Variants in RTCB observed in about 807,000 individuals in gnomAD.
The protein encoded by RTCB is RNA 2',3'-cyclic phosphate and 5'-OH ligase.
RTCB carries 32 observed loss-of-function variants against 58.2 expected under a neutral mutation model. That is an observed-to-expected ratio of 0.55 (90% CI 0.41 to 0.74). The LOEUF (loss-of-function observed/expected upper bound fraction) is 0.74, where lower values mean the gene tolerates loss of function less well. Among genes scored for constraint, RTCB ranks in the 30% least tolerant of loss-of-function variants. The probability of loss-of-function intolerance (pLI) is 0.00; values close to 1 mark genes in which losing one functional copy is unlikely to be tolerated. For synonymous variants in RTCB, 247 were observed against 218.6 expected (o/e 1.13, Z -1.15); for missense variants, 523 against 639.0 (o/e 0.82, Z 1.96).
chr22:32,411,185 TA>T (rs1308169612), intron 1 of RTCB, among the ~76,000 whole-genome samples: 2 of 152,188 alleles, frequency 1.3e-5, no homozygotes, highest in East Asian at 3.8e-4. Context: ...ATGGAGTGAC[TA>T]TTGGGAGCTG....
At chr22:32,389,661 C>T (rs1239272363) in intron 11 of RTCB, among the ~76,000 whole-genome samples, 1 of 152,170 alleles carries the variant, frequency 6.6e-6, no homozygotes, top group Non-Finnish European at 1.5e-5. Flanking sequence ...CTAGCAAAGA[C>T]CAACCCCATC....
chr22:32,399,505 G>A, intron 6 of RTCB, 98 bp downstream of exon 6: 2 of 1,138,724 alleles, frequency 1.8e-6, no homozygotes, highest in East Asian at 2.4e-5. Context: ...AAAAAACCTG[G>A]GAATATGTTT....
intron 8 of RTCB, 113 bp from the exon 9 acceptor site, chr22:32,395,327 T>A (rs1601425576): frequency 1.1e-6 from 1 of 875,834 alleles, no homozygotes; most frequent in Non-Finnish European, 1.7e-6. Flanking sequence ...GTAAAAGATT[T>A]AAAAGTTCAA....
At chr22:32,394,121 T>A in intron 9 of RTCB, 119 bp from the exon 10 acceptor site, 1 of 647,720 alleles carries the variant, frequency 1.5e-6, no homozygotes, top group Non-Finnish European at 2.6e-6. Flanking sequence ...CTTCTTTTTT[T>A]TTTTTTTGAG....
chr22:32,402,470 G>T (rs550139561), intron 4 of RTCB, among the ~76,000 whole-genome samples: 16 of 152,284 alleles, frequency 1.1e-4, no homozygotes, highest in African/African-American at 3.8e-4. Context: ...TCATTTTTGA[G>T]ACGGAGTCTC....
intron 4 of RTCB, among the ~76,000 whole-genome samples, chr22:32,402,314 T>C (rs971311513): frequency 2.0e-5 from 3 of 152,250 alleles, no homozygotes; most frequent in African/African-American, 7.2e-5. Context: ...TTCTACTTTT[T>C]TAGGGTATAA....
At chr22:32,398,724 T>C (rs1172031315) in intron 6 of RTCB, among the ~76,000 whole-genome samples, 6 of 152,222 alleles carry the variant, frequency 3.9e-5, no homozygotes, top group African/African-American at 1.4e-4. Context: ...TGTTGGTAAA[T>C]GTTGACTCTT....
chr22:32,401,920 A>G lies in RTCB; in HGVS notation c.341-17T>C. The stretch of plus-strand genomic sequence containing the variant: ...CGACACCACCTACAAAATAGAGAAA[A>G]GTTAGCAAAACCAGCTGGTAAGGCA... On this transcript the variant is annotated splice_polypyrimidine_tract_variant and intron_variant, in intron 4 of 11. Coordinates refer to ENST00000216038, the MANE Select transcript of RTCB (RefSeq NM_014306.5). 4.3e-6 allele frequency: 7 copies of G among 1,611,760 alleles called. No individual in the cohort carries two copies. Among genetic ancestry groups the G allele is most frequent in the Non-Finnish European group, 5.9e-6 (7 of 1,178,100 alleles).
At position 32,393,929 on chromosome 22, in the gene RTCB, C is replaced by T. The variant is rs534587475; in HGVS notation, c.1253G>A (p.Gly418Asp). ...GGTTGTTCCAAAGGTCTCAGTCATG[C>T]CCTGTTCAGTGCCAGTAAGAACATA... ...CSYVLTGTEQ[G>D]MTETFGTTCH... Residue 418 changes from glycine to aspartate, a missense_variant, in exon 10 of 12, where the codon GGC (glycine) becomes GAC (aspartate). By Grantham distance (94) the Gly-to-Asp change is moderately conservative. This residue lies in a region of RTCB where 248 missense variants were observed against 292.5 expected (regional missense o/e 0.85). Coordinates refer to ENST00000216038, the MANE Select transcript of RTCB (RefSeq NM_014306.5). 6.2e-7 allele frequency: 1 copy of T among 1,614,100 alleles called. No homozygotes were observed. Among genetic ancestry groups the T allele is most frequent in the Non-Finnish European group, 8.5e-7 (1 of 1,179,944 alleles).
At chr22:32,405,177 T>C (rs552192006) in intron 4 of RTCB, among the ~76,000 whole-genome samples, 1 of 152,316 alleles carries the variant, frequency 6.6e-6, no homozygotes, top group Non-Finnish European at 1.5e-5. Context: ...TCAAAAGCTA[T>C]ATGACATAAC....
intron 4 of RTCB, among the ~76,000 whole-genome samples, chr22:32,404,917 G>C (rs1933395655): frequency 6.6e-6 from 1 of 151,144 alleles, no homozygotes; most frequent in South Asian, 2.1e-4. Flanking sequence ...AAACTCCTGA[G>C]CTCAAGCCAT....
chr22:32,393,966 C>T lies in RTCB; in HGVS notation c.1216G>A (p.Gly406Arg). Residue 406 changes from glycine (G) to arginine (R), a missense_variant, in exon 10 of 12, where the codon GGA becomes AGA. By Grantham distance (125) the Gly-to-Arg change is moderately radical. This residue lies in a region of RTCB where 248 missense variants were observed against 292.5 expected (regional missense o/e 0.85). Coordinates refer to ENST00000216038, the MANE Select transcript of RTCB (RefSeq NM_014306.5). ...GQPVLIGGTM[G>R]TCSYVLTGTE... ...CCAGTAAGAACATAACTACAGGTTC[C>T]CATGGTGCCACCAATGAGCACTGGC... The T allele has an allele frequency of 6.2e-7, 1 of 1,614,078 alleles. No individual in the cohort carries two copies. Among genetic ancestry groups the T allele is most frequent in the African/African-American group, 1.3e-5 (1 of 75,046 alleles).
At chr22:32,404,825 G>A (rs971923506) in intron 4 of RTCB, among the ~76,000 whole-genome samples, 9 of 151,178 alleles carry the variant, frequency 6.0e-5, no homozygotes, top group African/African-American at 2.2e-4. Context: ...CACTACAGGC[G>A]CATGCCCCCA....
intron 11 of RTCB, among the ~76,000 whole-genome samples, chr22:32,389,185 G>C (rs1331244935): frequency 6.6e-6 from 1 of 152,114 alleles, no homozygotes; most frequent in Admixed American, 6.5e-5. Flanking sequence ...ACTACTTGGC[G>C]ATTTCTAGCT....
rs1933229600 is a variant in RTCB at position 32,395,449 on chromosome 22, T to G, written c.991-235A>C. ...AGTTGAAAAGCTGCTGGGCAACTTT[T>G]GATCCCACCTTTCAAAATTGCTTCT... is the stretch of plus-strand genomic sequence containing the variant. On this transcript the variant is annotated intron_variant, in intron 8 of 11. Transcript: ENST00000216038. Among the ~76,000 whole-genome samples the G allele has an allele frequency of 1.3e-5, 2 of 152,258 alleles. 1 individual carries two copies. Among genetic ancestry groups the G allele is most frequent in the South Asian group, 4.1e-4 (2 of 4,834 alleles).
intron 11 of RTCB, among the ~76,000 whole-genome samples, chr22:32,389,576 G>T (rs2145887792): frequency 6.6e-6 from 1 of 152,092 alleles, no homozygotes; most frequent in East Asian, 1.9e-4. Context: ...CCTCCCGAAA[G>T]TGCTGGGATT....
chr22:32,400,977 T>C (rs906606006), intron 5 of RTCB, among the ~76,000 whole-genome samples: 2 of 152,054 alleles, frequency 1.3e-5, no homozygotes, highest in African/African-American at 2.4e-5. Flanking sequence ...AGTGCTATCA[T>C]TCAAAGAGGA....
intron 8 of RTCB, 89 bp from the exon 9 acceptor site, chr22:32,395,303 C>G: frequency 8.6e-7 from 1 of 1,158,010 alleles, no homozygotes; most frequent in South Asian, 1.4e-5. Context: ...TTCAGGTAGT[C>G]TGTTCTGAAG....
intron 3 of RTCB, chr22:32,407,534 A>AC (rs1381052349): frequency 6.6e-6 from 1 of 152,426 alleles, no homozygotes; most frequent in African/African-American, 2.4e-5. Context: ...AGTGAAACTT[A>AC]CAACCAAGCG....
Sources: gnomAD v4.1 joint callset for allele counts (sites outside exome capture counted in the v4.1 genomes callset) on GRCh38, gnomAD v4.1.1 for gene constraint, gnomAD v4.1.1 regional missense constraint, MANE v1.5 for transcripts, NCBI Gene and HGNC (gene_info 2026-07-23, HGNC 2026-07-21) for gene names.